Variants in FOLH1 observed in about 807,000 individuals in gnomAD.
The protein encoded by FOLH1 is folate hydrolase 1.
A neutral mutation model predicts 93.9 loss-of-function variants in FOLH1; 54 were observed. The observed-to-expected ratio is 0.57, with a 90% confidence interval of 0.46 to 0.72. The LOEUF is 0.72. Among genes scored for constraint, FOLH1 ranks in the 30% least tolerant of loss-of-function variants. FOLH1 has a pLI of 0.00. For synonymous variants in FOLH1, 249 were observed against 303.6 expected, an observed-to-expected ratio of 0.82 and a Z score of 1.87; for missense variants, 571 against 892.5, an observed-to-expected ratio of 0.64 and a Z score of 4.59.
At chr11:49,197,481 A>T (rs1423576009) in intron 3 of FOLH1, among the ~76,000 whole-genome samples, 4 of 152,198 alleles carry the variant, frequency 2.6e-5, no homozygotes, top group Non-Finnish European at 5.9e-5. Context: ...GACATAAAAA[A>T]GTCAATATAT....
At chr11:49,162,745 T>C (rs1040164191) in intron 13 of FOLH1, 1 of 152,428 alleles carries the variant, frequency 6.6e-6, no homozygotes, top group African/African-American at 2.4e-5. Context: ...CTTCAATCTT[T>C]GAGGTTGGTG....
rs1430873238 is a variant in FOLH1, at chr11:49,164,685, A to G, written c.1440+20T>C. The G allele has an allele frequency of 5.8e-6, 9 of 1,544,236 alleles. No individual in the cohort carries two copies. The highest frequency in any genetic ancestry group is 8.0e-6 in the Non-Finnish European group (9 of 1,130,422). On this transcript the variant is annotated intron_variant, in intron 13 of 18. Coordinates refer to ENST00000256999, the MANE Select transcript of FOLH1 (RefSeq NM_004476.3). ...CATTTGTAGAATTTGGGTTTTCTTA[A>G]ATTATATGTAATTATATACCTCTTT...
At chr11:49,161,824 A>G (rs1411224644) in intron 13 of FOLH1, among the ~76,000 whole-genome samples, 1 of 152,228 alleles carries the variant, frequency 6.6e-6, no homozygotes, top group Non-Finnish European at 1.5e-5. Context: ...GTCTGGTGGT[A>G]ACAAATTCCC....
chr11:49,166,476 G>A (rs1047460184), intron 12 of FOLH1, among the ~76,000 whole-genome samples: 6 of 152,148 alleles, frequency 3.9e-5, no homozygotes, highest in Admixed American at 1.3e-4. Flanking sequence ...ATTTTTTTAC[G>A]TGTAAAGCAC....
Position 49,147,348 on chromosome 11 carries a change from G to A in FOLH1, c.2064-403C>T, listed in dbSNP as rs1342740606. On this transcript the variant is annotated intron_variant, in intron 18 of 18. Transcript: ENST00000256999. ...TGATTTGTCTCAAGGCACACGACAAGTAACTGCTGATTTTTTAATATATCA... is the reference window on the plus strand; with the variant it reads ...TGATTTGTCTCAAGGCACACGACAAATAACTGCTGATTTTTTAATATATCA... 3.3e-5 allele frequency among the ~76,000 whole-genome samples: 5 copies of A among 152,074 alleles called. No homozygotes were observed. The South Asian group carries it at 6.2e-4, about 19-fold the overall frequency.
At chr11:49,156,692 C>A (rs1414920345) in intron 15 of FOLH1, 25 bp downstream of exon 15, 1 of 1,612,180 alleles carries the variant, frequency 6.2e-7, no homozygotes, top group African/African-American at 1.3e-5. Context: ...CATAAATAAT[C>A]TTAGATAATT....
chr11:49,151,543 T>A (rs999727504), intron 17 of FOLH1, among the ~76,000 whole-genome samples: 2 of 152,236 alleles, frequency 1.3e-5, no homozygotes, highest in Non-Finnish European at 2.9e-5. Context: ...CTTCCTTAGA[T>A]TTCAAAGTTT....
intron 5 of FOLH1, 25 bp from the exon 6 acceptor site, chr11:49,185,880 C>A: frequency 2.7e-6 from 4 of 1,502,680 alleles, no homozygotes; most frequent in Admixed American, 2.4e-5. Flanking sequence ...GTCTTTCTTT[C>A]CTTATTTTAA....
At chr11:49,167,243 C>G (rs577618535) in intron 12 of FOLH1, among the ~76,000 whole-genome samples, 377 of 152,240 alleles carry the variant, frequency 2.5e-3, no homozygotes, top group African/African-American at 8.6e-3. Context: ...GTGCAAGGCA[C>G]AGGTCTGGGA....
intron 7 of FOLH1, among the ~76,000 whole-genome samples, chr11:49,177,602 A>G (rs1860206842): frequency 6.6e-6 from 1 of 152,038 alleles, no homozygotes; most frequent in African/African-American, 2.4e-5. Context: ...CTGCAAACAT[A>G]GATTAGCAAG....
chr11:49,158,567 T>A (rs1158236644), intron 13 of FOLH1, among the ~76,000 whole-genome samples: 1 of 152,154 alleles, frequency 6.6e-6, no homozygotes, highest in African/African-American at 2.4e-5. Context: ...TATAGTTTGA[T>A]GTCTCCAGCT....
intron 13 of FOLH1, 62 bp downstream of exon 13, chr11:49,164,643 A>C: frequency 2.5e-5 from 30 of 1,179,374 alleles, no homozygotes; most frequent in Non-Finnish European, 3.3e-5. Context: ...GTTTAACATA[A>C]TACCTCAAGA....
In FOLH1 at chr11:49,208,480, AC is replaced by A; in HGVS notation, c.-72del. 1 of 1,050,052 alleles carries A rather than the reference AC, an allele frequency of 9.5e-7. No individual in the cohort carries two copies. The highest frequency in any genetic ancestry group is 1.4e-6 in the Non-Finnish European group (1 of 716,650). The allele number at this position is 1,050,052 out of a possible 1,614,324, so 65.0% of individuals were successfully genotyped here. ...CTGCTCTACTGCGCGCCCTCCAACC[AC>A]CACGGCGGGGTAAAGTCTCTCTCAA... is the stretch of plus-strand genomic sequence containing the variant. On this transcript the variant is annotated 5_prime_UTR_variant, in exon 1 of 19. Transcript: ENST00000256999.
Position 49,185,210 on chromosome 11 carries a change from A to G in FOLH1, c.826+459T>C, listed in dbSNP as rs913366107. 3.9e-5 allele frequency among the ~76,000 whole-genome samples: 6 copies of G among 152,248 alleles called. No individual in the cohort carries two copies. The East Asian group carries it at 5.8e-4, about 15-fold the overall frequency. On this transcript the variant is annotated intron_variant, in intron 6 of 18. Coordinates refer to ENST00000256999, the MANE Select transcript of FOLH1 (RefSeq NM_004476.3). ...TGTGAAATCTGTAAATCTGGGGGGA[A>G]TTTATTTAACAGCAAAACCTGATCT...
At chr11:49,170,689 C>T (rs1175669245) in intron 11 of FOLH1, among the ~76,000 whole-genome samples, 1 of 152,154 alleles carries the variant, frequency 6.6e-6, no homozygotes, top group Non-Finnish European at 1.5e-5. Context: ...GAAAATTTGG[C>T]TTCATGGTCA....
Position 49,181,402 on chromosome 11 carries a change from G to A in FOLH1, c.920+1747C>T, listed in dbSNP as rs551055888. Among the ~76,000 whole-genome samples, 28 of 151,936 alleles carry A rather than the reference G, an allele frequency of 1.8e-4. No homozygotes were observed. In the South Asian group the frequency reaches 5.6e-3, roughly 30 times the overall value. The stretch of plus-strand genomic sequence containing the variant: ...TGGGATTACAAGTGTGAGCCACCGC[G>A]CCCAGCCCCATGTTTTAATTTTTTA... On this transcript the variant is annotated intron_variant, in intron 7 of 18. Transcript: ENST00000256999.
chr11:49,181,492 AG>A (rs1157746818), intron 7 of FOLH1, among the ~76,000 whole-genome samples: 1 of 151,998 alleles, frequency 6.6e-6, no homozygotes, highest in African/African-American at 2.4e-5. Context: ...TAATAATATA[AG>A]CATTTTTCTA....
At chr11:49,180,837 T>C (rs745552119) in intron 7 of FOLH1, among the ~76,000 whole-genome samples, 6 of 152,238 alleles carry the variant, frequency 3.9e-5, no homozygotes, top group Non-Finnish European at 8.8e-5. Flanking sequence ...AAATTTTGAA[T>C]GTAAAATGCA....
chr11:49,174,547 A>G (rs1179972940), intron 9 of FOLH1, among the ~76,000 whole-genome samples: 2 of 152,122 alleles, frequency 1.3e-5, no homozygotes, highest in Admixed American at 1.3e-4. Flanking sequence ...TATCATGAAG[A>G]TATTTATGCA....
Sources: allele counts gnomAD v4.1 joint callset (sites outside exome capture counted in the v4.1 genomes callset), GRCh38; gene constraint gnomAD v4.1.1; transcripts MANE v1.5; gene names NCBI Gene and HGNC (gene_info 2026-07-23, HGNC 2026-07-21).